The following B4GALT5 variants were observed in gnomAD, a reference collection of about 807,000 sequenced individuals.
The protein encoded by B4GALT5 is beta-1,4-galactosyltransferase 5, also known as UDP-Gal:beta-GlcNAc beta-1,4-galactosyltransferase 5.
Under a neutral mutation model 45.0 loss-of-function variants are expected in B4GALT5, and 11 were observed. The observed-to-expected ratio is 0.24, with a 90% CI of 0.15 to 0.40. The LOEUF is 0.40. B4GALT5 is among the 10% of genes least tolerant of loss of function. B4GALT5 has a pLI of 1.00. For missense variants in B4GALT5, 337 were observed against 500.2 expected (o/e 0.67, Z 3.11); for synonymous variants, 185 against 182.9 (o/e 1.01, Z -0.09).
chr20:49,686,656 G>A (rs754867864), intron 1 of B4GALT5, among the ~76,000 whole-genome samples: 10 of 147,240 alleles, frequency 6.8e-5, no homozygotes, highest in African/African-American at 1.3e-4. Flanking sequence ...GGAGACCGAG[G>A]CAAGAGGACC....
intron 1 of B4GALT5, among the ~76,000 whole-genome samples, chr20:49,691,100 T>C (rs2085808942): frequency 6.6e-6 from 1 of 152,196 alleles, no homozygotes; most frequent in South Asian, 2.1e-4. Context: ...TGCTGAAACT[T>C]CCTGGAGGGT....
intron 4 of B4GALT5, among the ~76,000 whole-genome samples, chr20:49,642,994 A>G (rs907969162): frequency 6.6e-6 from 1 of 152,270 alleles, no homozygotes; most frequent in African/African-American, 2.4e-5. Context: ...GATGTGTTCC[A>G]GATCTGCTGC....
At position 49,633,518 on chromosome 20, in the gene B4GALT5, C is replaced by T. The variant is rs540087482; in HGVS notation, c.*2794G>A. On this transcript the variant is annotated 3_prime_UTR_variant, in exon 9 of 9. Transcript: ENST00000371711. ...GTACGTTTTTAACTATGACATTTCC[C>T]ATATGATATTCGAGGCCTGGTGGAC... is the stretch of plus-strand genomic sequence containing the variant. The T allele has an allele frequency of 6.6e-6, 1 of 151,678 alleles. No individual in the cohort carries two copies. The highest frequency in any genetic ancestry group is 2.1e-4 in the South Asian group (1 of 4,798). 9.4% of individuals were successfully genotyped at this position (151,678 alleles called of 1,614,324 possible).
rs73265287 is a variant in B4GALT5 at position 49,638,525 on chromosome 20, A to G, written c.918-1083T>C. Among the ~76,000 whole-genome samples, 367 of 152,362 alleles carry G rather than the reference A, an allele frequency of 2.4e-3. 2 individuals carry two copies. Among genetic ancestry groups the G allele is most frequent in the African/African-American group, 8.2e-3 (341 of 41,586 alleles). ...CCCAAGCTTGTACAGTACAAGCCTT[A>G]TGTGATGGCGCAGCTAAATCTATGT... On this transcript the variant is annotated intron_variant, in intron 7 of 8. Transcript: ENST00000371711.
chr20:49,669,005 G>A (rs1021494582), intron 1 of B4GALT5, among the ~76,000 whole-genome samples: 5 of 152,190 alleles, frequency 3.3e-5, no homozygotes, highest in African/African-American at 1.2e-4. Context: ...GGGACCACAG[G>A]CGTACACCAC....
At chr20:49,705,128 T>TATA (rs1363448398) in intron 1 of B4GALT5, among the ~76,000 whole-genome samples, 49 of 152,294 alleles carry the variant, frequency 3.2e-4, no homozygotes, top group Admixed American at 2.9e-3. Flanking sequence ...AAAGGCACCA[T>TATA]ATAAAAAGAA....
At chr20:49,675,670 G>A (rs1316922682) in intron 1 of B4GALT5, among the ~76,000 whole-genome samples, 2 of 152,102 alleles carry the variant, frequency 1.3e-5, no homozygotes, top group Non-Finnish European at 2.9e-5. Context: ...GTAGGTTGTC[G>A]GGTTTCTTCA....
At chr20:49,686,678 A>G (rs2085786732) in intron 1 of B4GALT5, among the ~76,000 whole-genome samples, 2 of 134,572 alleles carry the variant, frequency 1.5e-5, no homozygotes, top group African/African-American at 5.6e-5. Flanking sequence ...CTTGAGGCCA[A>G]GGGTTCTTGC....
intron 1 of B4GALT5, among the ~76,000 whole-genome samples, chr20:49,695,852 AAAC>A (rs1465784443): frequency 6.6e-6 from 1 of 152,262 alleles, no homozygotes; most frequent in Non-Finnish European, 1.5e-5. Flanking sequence ...TGGGAAAAGA[AAAC>A]AACACATTGA....
chr20:49,654,259 T>A (rs1003193239), intron 2 of B4GALT5, among the ~76,000 whole-genome samples: 2 of 152,146 alleles, frequency 1.3e-5, no homozygotes, highest in South Asian at 4.1e-4. Context: ...CCCAAGATTA[T>A]ATGTACTATG....
chr20:49,687,282 C>G (rs1162886431), intron 1 of B4GALT5, among the ~76,000 whole-genome samples: 1 of 152,224 alleles, frequency 6.6e-6, no homozygotes, highest in African/African-American at 2.4e-5. Flanking sequence ...AAATTAACCA[C>G]TGACACTGTT....
At chr20:49,702,075 C>T (rs999164093) in intron 1 of B4GALT5, among the ~76,000 whole-genome samples, 3 of 151,902 alleles carry the variant, frequency 2.0e-5, no homozygotes, top group Non-Finnish European at 4.4e-5. Flanking sequence ...AAAACAACAA[C>T]AAAAAAAGGA....
At chr20:49,711,324 G>T (rs2085910668) in intron 1 of B4GALT5, among the ~76,000 whole-genome samples, 2 of 152,114 alleles carry the variant, frequency 1.3e-5, no homozygotes, top group Non-Finnish European at 1.5e-5. Context: ...GGGTTCCACT[G>T]ACCTAAAAAT....
chr20:49,643,339 T>C (rs1443349363), intron 4 of B4GALT5, among the ~76,000 whole-genome samples, 187 bp downstream of exon 4: 1 of 152,228 alleles, frequency 6.6e-6, no homozygotes, highest in Non-Finnish European at 1.5e-5. Context: ...ATCAGAATAA[T>C]GCAAATTTCT....
intron 5 of B4GALT5, 123 bp from the exon 6 acceptor site, chr20:49,640,788 G>T: frequency 1.0e-6 from 1 of 962,382 alleles, no homozygotes; most frequent in Non-Finnish European, 1.5e-6. Context: ...GTGTAACCAG[G>T]TCCAACACCA....
chr20:49,712,387 A>G (rs1181799278), intron 1 of B4GALT5, among the ~76,000 whole-genome samples: 39 of 137,820 alleles, frequency 2.8e-4, no homozygotes, highest in Admixed American at 2.5e-3. Flanking sequence ...CTTAACCTTC[A>G]TGCTGTCTTT....
chr20:49,650,027 T>C (rs2085614864), intron 2 of B4GALT5, among the ~76,000 whole-genome samples: 1 of 152,086 alleles, frequency 6.6e-6, no homozygotes, highest in Non-Finnish European at 1.5e-5. Context: ...TAGAACCTAA[T>C]CAGGAAACTA....
intron 1 of B4GALT5, among the ~76,000 whole-genome samples, chr20:49,707,095 T>C (rs949316853): frequency 4.6e-5 from 7 of 152,144 alleles, no homozygotes; most frequent in Admixed American, 2.6e-4. Flanking sequence ...CTAGGTATCC[T>C]GGAACAGTAA....
intron 1 of B4GALT5, among the ~76,000 whole-genome samples, chr20:49,664,039 G>A (rs74991415): frequency 0.012 from 1,781 of 152,122 alleles, 29 homozygotes; most frequent in African/African-American, 0.041. Context: ...GATCACAACT[G>A]ACATTTGTAA....
Sources: allele counts gnomAD v4.1 joint callset (sites outside exome capture counted in the v4.1 genomes callset), GRCh38; gene constraint gnomAD v4.1.1; transcripts MANE v1.5; gene names NCBI Gene and HGNC (gene_info 2026-07-23, HGNC 2026-07-21).